The following CDH2 variants were observed in gnomAD, a reference collection of about 807,000 sequenced individuals.
CDH2 encodes cadherin 2.
CDH2 carries 17 observed loss-of-function variants against 92.0 expected under a neutral mutation model. That is an observed-to-expected ratio of 0.18 (90% CI 0.13 to 0.28). CDH2 has a LOEUF of 0.28. Among genes scored for constraint, CDH2 ranks in the 10% least tolerant of loss-of-function variants. The pLI is 1.00. For synonymous variants in CDH2, 419 were observed against 415.9 expected, an observed-to-expected ratio of 1.01 and a Z score of -0.09; for missense variants, 862 against 1,133.1, an observed-to-expected ratio of 0.76 and a Z score of 3.44.
intron 6 of CDH2, among the ~76,000 whole-genome samples, chr18:28,005,034 T>C (rs1712594835): frequency 6.6e-6 from 1 of 152,124 alleles, no homozygotes; most frequent in Admixed American, 6.5e-5. Flanking sequence ...AAAACAAAAA[T>C]ACAATAGCTA....
chr18:28,126,864 C>T (rs1360834304), intron 2 of CDH2, among the ~76,000 whole-genome samples: 2 of 152,142 alleles, frequency 1.3e-5, no homozygotes, highest in Non-Finnish European at 2.9e-5. Context: ...TCCAGAGAAA[C>T]AGACCAGAAC....
chr18:28,073,827 C>G (rs182252409), intron 2 of CDH2, among the ~76,000 whole-genome samples: 61 of 152,124 alleles, frequency 4.0e-4, no homozygotes, highest in Admixed American at 3.3e-4. Context: ...TTAATATGCC[C>G]GAGGTCCACT....
At chr18:27,993,456 C>A in intron 8 of CDH2, 44 bp downstream of exon 8, 1 of 1,583,434 alleles carries the variant, frequency 6.3e-7, no homozygotes. Flanking sequence ...TTCTCAGTAA[C>A]GAACTACAGA....
intron 2 of CDH2, among the ~76,000 whole-genome samples, chr18:28,135,559 G>C (rs2015847714): frequency 2.0e-5 from 3 of 152,172 alleles, no homozygotes; most frequent in Admixed American, 2.0e-4. Context: ...AGTAGTTAGT[G>C]TGAGATTATC....
chr18:28,101,478 C>A (rs1173623607), intron 2 of CDH2, among the ~76,000 whole-genome samples: 1 of 152,124 alleles, frequency 6.6e-6, no homozygotes, highest in Admixed American at 6.6e-5. Flanking sequence ...TTTAACAGCA[C>A]CTTATTGACT....
At chr18:28,141,591 T>G (rs944031201) in intron 2 of CDH2, among the ~76,000 whole-genome samples, 1 of 152,002 alleles carries the variant, frequency 6.6e-6, no homozygotes, top group Non-Finnish European at 1.5e-5. Context: ...ACCACTTTGA[T>G]CCACACCACC....
intron 2 of CDH2, among the ~76,000 whole-genome samples, chr18:28,139,270 C>T (rs2015914585): frequency 6.6e-6 from 1 of 151,890 alleles, no homozygotes; most frequent in South Asian, 2.1e-4. Context: ...TAGTAAGTGT[C>T]TCCCCTCTTC....
At chr18:28,105,402 C>A (rs2015304641) in intron 2 of CDH2, among the ~76,000 whole-genome samples, 2 of 152,044 alleles carry the variant, frequency 1.3e-5, no homozygotes, top group South Asian at 4.1e-4. Context: ...CAGAACACAA[C>A]ATAGGGATCA....
At chr18:27,983,234 T>A in intron 13 of CDH2, 151 bp from the exon 14 acceptor site, 1 of 578,264 alleles carries the variant, frequency 1.7e-6, no homozygotes, top group Non-Finnish European at 2.9e-6. Context: ...GGCCTCACAT[T>A]AAGAGAGACA....
chr18:28,162,276 G>C (rs2016317325), intron 1 of CDH2, among the ~76,000 whole-genome samples: 1 of 152,184 alleles, frequency 6.6e-6, no homozygotes, highest in Admixed American at 6.5e-5. Context: ...CCACTAGGAT[G>C]TCTCTGTGCT....
At chr18:27,960,194 CA>C (rs572587137) in intron 15 of CDH2, among the ~76,000 whole-genome samples, 274 of 152,210 alleles carry the variant, frequency 1.8e-3, no homozygotes, top group South Asian at 4.6e-3. Context: ...GAACATGGAT[CA>C]GGGGGAGGCA....
At chr18:27,938,412 A>G (rs905634572) in intron 6 of CDH2, among the ~76,000 whole-genome samples, 1 of 152,228 alleles carries the variant, frequency 6.6e-6, no homozygotes, top group African/African-American at 2.4e-5. Context: ...CCATATTTAT[A>G]GACCATGTTT....
intron 2 of CDH2, among the ~76,000 whole-genome samples, chr18:28,059,723 T>G (rs914504866): frequency 2.6e-5 from 4 of 152,228 alleles, no homozygotes; most frequent in Admixed American, 1.3e-4. Context: ...CACATAGGTA[T>G]GCAGATATGC....
chr18:28,167,129 T>G (rs762162538), intron 1 of CDH2, among the ~76,000 whole-genome samples: 1 of 152,080 alleles, frequency 6.6e-6, no homozygotes, highest in Non-Finnish European at 1.5e-5. Context: ...TAGAGTCTGT[T>G]AACACCTAAA....
At chr18:28,044,709 T>G (rs1227533941) in intron 2 of CDH2, among the ~76,000 whole-genome samples, 1 of 152,114 alleles carries the variant, frequency 6.6e-6, no homozygotes, top group Non-Finnish European at 1.5e-5. Flanking sequence ...GGTTCAATGA[T>G]GGGCCTGCTA....
intron 2 of CDH2, among the ~76,000 whole-genome samples, chr18:28,119,880 C>T (rs542462158): frequency 6.6e-6 from 1 of 152,058 alleles, no homozygotes; most frequent in African/African-American, 2.4e-5. Context: ...CTGCCTGCTG[C>T]TTGGACAGTG....
At chr18:28,163,126 A>T (rs192855726) in intron 1 of CDH2, among the ~76,000 whole-genome samples, 1 of 152,332 alleles carries the variant, frequency 6.6e-6, no homozygotes, top group African/African-American at 2.4e-5. Flanking sequence ...AAAGGTCAAA[A>T]TACATAGAAA....
intron 15 of CDH2, among the ~76,000 whole-genome samples, chr18:27,961,909 G>A (rs1270913040): frequency 6.6e-6 from 1 of 151,878 alleles, no homozygotes; most frequent in East Asian, 1.9e-4. Context: ...AGACCAGCCT[G>A]GGAAACAGGC....
At position 28,008,990 on chromosome 18, in the gene CDH2, C is replaced by T. The variant is rs17462969; in HGVS notation, c.702+727G>A. Among the ~76,000 whole-genome samples, 6 of 152,150 alleles carry T rather than the reference C, an allele frequency of 3.9e-5. No homozygotes were observed. The East Asian group carries it at 9.7e-4, about 25-fold the overall frequency. On this transcript the variant is annotated intron_variant, in intron 5 of 15. Transcript: ENST00000269141. Reference sequence around the variant, plus strand: ...CTCTCCTTTTATTAAAATAACTCTGCAGAGGTTAAAAATTCAAATGTAAAA... The same window carrying T: ...CTCTCCTTTTATTAAAATAACTCTGTAGAGGTTAAAAATTCAAATGTAAAA...
Sources: allele counts gnomAD v4.1 joint callset (sites outside exome capture counted in the v4.1 genomes callset), GRCh38; gene constraint gnomAD v4.1.1; transcripts MANE v1.5; gene names NCBI Gene and HGNC (gene_info 2026-07-23, HGNC 2026-07-21).